Variants in FAM83F observed in about 807,000 individuals in gnomAD.
FAM83F encodes the protein protein FAM83F.
A neutral mutation model predicts 42.9 loss-of-function variants in FAM83F; 45 were observed. That is an observed-to-expected ratio of 1.05 (90% CI 0.83 to 1.35). FAM83F has a LOEUF of 1.35. FAM83F is among the 40% of genes most tolerant of loss of function. FAM83F has a pLI of 0.00. For synonymous variants in FAM83F, 306 were observed against 298.3 expected (o/e 1.03, Z -0.27); for missense variants, 617 against 695.9 (o/e 0.89, Z 1.28).
At chr22:40,004,661 C>T (rs763860434) in intron 1 of FAM83F, among the ~76,000 whole-genome samples, 4 of 152,144 alleles carry the variant, frequency 2.6e-5, no homozygotes, top group Non-Finnish European at 5.9e-5. Flanking sequence ...GGTCTCAAAA[C>T]TCCTGACCTC....
chr22:40,002,064 G>A (rs762517144), intron 1 of FAM83F, among the ~76,000 whole-genome samples: 42 of 152,336 alleles, frequency 2.8e-4, no homozygotes, highest in East Asian at 5.8e-4. Context: ...AGGCTGTGGC[G>A]TTGGAATCCT....
At chr22:40,024,220 C>T (rs1430490195) in intron 4 of FAM83F, among the ~76,000 whole-genome samples, 4 of 152,270 alleles carry the variant, frequency 2.6e-5, no homozygotes, top group Admixed American at 2.6e-4. Context: ...AGGCTGGTCT[C>T]CTGGCCTCAA....
intron 4 of FAM83F, among the ~76,000 whole-genome samples, chr22:40,028,711 C>CG (rs1327678959): frequency 6.6e-6 from 1 of 152,188 alleles, no homozygotes; most frequent in Non-Finnish European, 1.5e-5. Context: ...CTTCTCTGGC[C>CG]GGGGGCGGGG....
rs955015374 is a variant in FAM83F, at chr22:40,023,876, G to A, written c.1453+1913G>A. Among the ~76,000 whole-genome samples, 2 of 152,168 alleles carry A rather than the reference G, an allele frequency of 1.3e-5. No individual in the cohort carries two copies. Among genetic ancestry groups the A allele is most frequent in the African/African-American group, 4.8e-5 (2 of 41,440 alleles). On this transcript the variant is annotated intron_variant, in intron 4 of 4. Coordinates refer to ENST00000333407, the MANE Select transcript of FAM83F (RefSeq NM_138435.4). This position sits in a 1 kb window ranked among gnomAD's most constrained non-coding sequence, Gnocchi z 4.1. ...CCCGTTCCTTGTCCGTCCTTTAGAC[G>A]AACACAGAGCAGCCTCCTCCGGTAA...
rs946159960 is a variant in FAM83F at position 40,031,450 on chromosome 22, C to G, written c.*1885C>G. 2.0e-5 allele frequency: 3 copies of G among 152,244 alleles called. No individual in the cohort carries two copies. In the East Asian group the frequency reaches 5.8e-4, roughly 29 times the overall value. The allele number at this position is 152,244 out of a possible 1,614,324, so 9.4% of individuals were successfully genotyped here. On this transcript the variant is annotated 3_prime_UTR_variant, in exon 5 of 5. Transcript: ENST00000333407. ...AGTCAGCCAAGGGCATCTGTGCCTCCCCTGCCAGAAGAGCAGGCCCTGCTT... is the reference window on the plus strand; with the variant it reads ...AGTCAGCCAAGGGCATCTGTGCCTCGCCTGCCAGAAGAGCAGGCCCTGCTT...
Position 40,029,762 on chromosome 22 carries a change from C to T in FAM83F, c.*197C>T, listed in dbSNP as rs988140151. On this transcript the variant is annotated 3_prime_UTR_variant, in exon 5 of 5. Coordinates refer to ENST00000333407, the MANE Select transcript of FAM83F (RefSeq NM_138435.4). ...AAGCATCTCAGTCACACGCCTCCAC[C>T]GGACTGTCGGTGGCTGGGCAGGGGT... The T allele has an allele frequency of 4.1e-5, 30 of 734,150 alleles. No homozygotes were observed. The highest frequency in any genetic ancestry group is 4.1e-4 in the Middle Eastern group (1 of 2,460). 45.5% of individuals were successfully genotyped at this position (734,150 alleles called of 1,614,324 possible).
At chr22:40,020,530 T>C (rs189596616) in intron 3 of FAM83F, among the ~76,000 whole-genome samples, 87 of 151,896 alleles carry the variant, frequency 5.7e-4, no homozygotes, top group Middle Eastern at 3.4e-3. Context: ...GCTCAGCTAA[T>C]TTTTGTATTT....
Position 39,995,105 on chromosome 22 carries a change from G to A in FAM83F, c.63G>A (p.Ala21=). The A allele has an allele frequency of 7.4e-7, 1 of 1,357,638 alleles. No individual in the cohort carries two copies. Among genetic ancestry groups the A allele is most frequent in the Non-Finnish European group, 9.4e-7 (1 of 1,063,698 alleles). The allele number at this position is 1,357,638 out of a possible 1,614,324, so 84.1% of individuals were successfully genotyped here. A position where few individuals can be genotyped will look rare whatever the true frequency, so the allele number is the denominator to read the frequency against. ...ACGTGAACGAGAAGGTGACCGAGGC[G>A]CAGGCCGCCTTCTACTACTGCGAGC... is the stretch of plus-strand genomic sequence containing the variant. ...EAHVNEKVTE[A]QAAFYYCERR... The change falls in exon 1 of 5, where the codon GCG becomes GCA. Residue 21 remains alanine, a synonymous_variant. Transcript: ENST00000333407. This position sits in a 1 kb window ranked among gnomAD's most constrained non-coding sequence, Gnocchi z 4.6.
rs1344162304 is a variant in FAM83F, at chr22:40,042,330, TAAG to T, written c.*12771_*12773del. On this transcript the variant is annotated 3_prime_UTR_variant, in exon 5 of 5. Coordinates refer to ENST00000333407, the MANE Select transcript of FAM83F (RefSeq NM_138435.4). ...CTGAGGCCTTTATGGACAAAGATTC[TAAG>T]AAGAACAGGCTTTGGCCATCTCTGG... 6.6e-6 allele frequency: 1 copy of T among 152,380 alleles called. No individual in the cohort carries two copies. The allele number at this position is 152,380 out of a possible 1,614,324, so 9.4% of individuals were successfully genotyped here.
rs1023798572 is a variant in FAM83F, at chr22:40,023,246, C to T, written c.1453+1283C>T. On this transcript the variant is annotated intron_variant, in intron 4 of 4. Coordinates refer to ENST00000333407, the MANE Select transcript of FAM83F (RefSeq NM_138435.4). This position sits in a 1 kb window ranked among gnomAD's most constrained non-coding sequence, Gnocchi z 4.1. Reference sequence around the variant, plus strand: ...CAGGTCACAGGAAGTGGTAGTAAGGCCAGGATTCAAGACCAGGCATGGGCA... The same window carrying T: ...CAGGTCACAGGAAGTGGTAGTAAGGTCAGGATTCAAGACCAGGCATGGGCA... Among the ~76,000 whole-genome samples, 9 of 152,156 alleles carry T rather than the reference C, an allele frequency of 5.9e-5. No homozygotes were observed. The highest frequency in any genetic ancestry group is 2.2e-4 in the African/African-American group (9 of 41,442).
chr22:40,001,838 T>A (rs4821923), intron 1 of FAM83F, among the ~76,000 whole-genome samples: 6 of 152,076 alleles, frequency 3.9e-5, no homozygotes, highest in Admixed American at 3.9e-4. Context: ...TCCCCAGAAG[T>A]TAGGGAGCCC....
chr22:40,035,980 AAGCT>A lies in FAM83F; in HGVS notation c.*6417_*6420del, dbSNP rs1601776888. On this transcript the variant is annotated 3_prime_UTR_variant, in exon 5 of 5. Transcript: ENST00000333407. ...GGCTAACTGCTTGTTCACCTGAAGG[AAGCT>A]ACAGAGTTCAGGTTTCTTTTTTCTT... 1 of 152,284 alleles carries A rather than the reference AAGCT, an allele frequency of 6.6e-6. No individual in the cohort carries two copies. The highest frequency in any genetic ancestry group is 1.9e-4 in the East Asian group (1 of 5,182). The allele number at this position is 152,284 out of a possible 1,614,324, so 9.4% of individuals were successfully genotyped here.
intron 1 of FAM83F, among the ~76,000 whole-genome samples, chr22:40,018,155 A>T (rs1238579401): frequency 6.6e-6 from 1 of 152,214 alleles, no homozygotes; most frequent in Admixed American, 6.5e-5. Flanking sequence ...TGATTTGAGG[A>T]TGGCGTAGGA....
At chr22:40,025,057 C>T (rs1252725671) in intron 4 of FAM83F, among the ~76,000 whole-genome samples, 2 of 152,152 alleles carry the variant, frequency 1.3e-5, no homozygotes, top group Non-Finnish European at 2.9e-5. Context: ...GCTTCTGTGC[C>T]CTCCGCACAG....
At chr22:40,025,009 C>T (rs2067543662) in intron 4 of FAM83F, among the ~76,000 whole-genome samples, 1 of 152,140 alleles carries the variant, frequency 6.6e-6, no homozygotes, top group South Asian at 2.1e-4. Flanking sequence ...TCCCTCCGCC[C>T]TCGCCTCCTG....
intron 4 of FAM83F, among the ~76,000 whole-genome samples, chr22:40,027,173 C>G (rs1041317784): frequency 6.6e-6 from 1 of 152,098 alleles, no homozygotes; most frequent in Non-Finnish European, 1.5e-5. Flanking sequence ...CCTCTCTAAC[C>G]AAGGAGCCTC....
chr22:40,013,062 G>A (rs1174358814), intron 1 of FAM83F, among the ~76,000 whole-genome samples: 2 of 118,206 alleles, frequency 1.7e-5, no homozygotes, highest in East Asian at 2.6e-4. Flanking sequence ...CAGCCTGGGC[G>A]ACAGAGCGAG....
chr22:40,017,803 G>A (rs1015020338), intron 1 of FAM83F, among the ~76,000 whole-genome samples: 1 of 152,144 alleles, frequency 6.6e-6, no homozygotes, highest in South Asian at 2.1e-4. Context: ...TAATCCTCAG[G>A]GCAAAAGTGT....
rs1434816481 is a variant in FAM83F at position 39,995,420 on chromosome 22, TGGTTTCTACCGCGGCGTGA to T, written c.380_398del (p.Gly127AlafsTer25). ...CTCTGGACCTGGGCTGGACGGACAC[TGGTTTCTACCGCGGCGTGA>T]GCCGGGTCACGCTCTTCACCCACCC... On this transcript the variant is annotated frameshift_variant, in exon 1 of 5. Transcript: ENST00000333407. LOFTEE classifies it high-confidence loss of function. The surrounding 1 kb of genome is among the most constrained non-coding windows in gnomAD (Gnocchi z 4.6). 1 of 1,551,444 alleles carries T rather than the reference TGGTTTCTACCGCGGCGTGA, an allele frequency of 6.4e-7. No homozygotes were observed. The highest frequency in any genetic ancestry group is 2.4e-5 in the East Asian group (1 of 40,996).
Sources: allele counts gnomAD v4.1 joint callset (sites outside exome capture counted in the v4.1 genomes callset), GRCh38; gene constraint gnomAD v4.1.1; non-coding constraint Gnocchi (gnomAD v3.1); transcripts MANE v1.5; gene names NCBI Gene and HGNC (gene_info 2026-07-23, HGNC 2026-07-21).